The following EEA1 variants were observed in gnomAD, a reference collection of about 807,000 sequenced individuals.
EEA1 encodes the protein early endosome antigen 1, 162kD.
Under a neutral mutation model 209.2 loss-of-function variants are expected in EEA1, and 111 were observed. The ratio of observed to expected loss-of-function variants is 0.53; its 90% CI spans 0.45 to 0.62. The LOEUF (loss-of-function observed/expected upper bound fraction) is 0.62, where lower values mean the gene tolerates loss of function less well. Among genes scored for constraint, EEA1 ranks in the 20% least tolerant of loss-of-function variants. The pLI is 0.00. For missense variants in EEA1, 1,343 were observed against 1,530.8 expected (o/e 0.88, Z 2.05); for synonymous variants, 536 against 540.6 (o/e 0.99, Z 0.12).
chr12:92,888,622 G>A (rs993879067), intron 2 of EEA1, among the ~76,000 whole-genome samples: 2 of 150,154 alleles, frequency 1.3e-5, no homozygotes, highest in African/African-American at 4.9e-5. Flanking sequence ...GAAAACAATT[G>A]TAAGTGGAAG....
chr12:92,808,961 T>C (rs1333299307), intron 18 of EEA1, 56 bp downstream of exon 18: 23 of 1,467,796 alleles, frequency 1.6e-5, no homozygotes, highest in Non-Finnish European at 2.0e-5. Flanking sequence ...AAGGAAATTT[T>C]AATACTTAGT....
intron 3 of EEA1, among the ~76,000 whole-genome samples, chr12:92,859,966 C>T (rs1878063567): frequency 6.6e-6 from 1 of 152,154 alleles, no homozygotes; most frequent in Admixed American, 6.5e-5. Context: ...GGAGCTCTAG[C>T]CTGACATCAA....
At chr12:92,793,395 C>A (rs1309347489) in intron 21 of EEA1, among the ~76,000 whole-genome samples, 1 of 152,176 alleles carries the variant, frequency 6.6e-6, no homozygotes, top group East Asian at 1.9e-4. Flanking sequence ...TTGTCTCAGT[C>A]CAAAATCTCC....
chr12:92,833,953 T>C (rs1268690601), intron 10 of EEA1, among the ~76,000 whole-genome samples: 1 of 152,028 alleles, frequency 6.6e-6, no homozygotes, highest in Admixed American at 6.6e-5. Context: ...TACAATGAAG[T>C]TTGAGCCTGG....
At chr12:92,799,413 C>G (rs1302460310) in intron 20 of EEA1, among the ~76,000 whole-genome samples, 1 of 152,060 alleles carries the variant, frequency 6.6e-6, no homozygotes, top group African/African-American at 2.4e-5. Flanking sequence ...TGTAAATGAT[C>G]TACATTAGTA....
intron 21 of EEA1, among the ~76,000 whole-genome samples, chr12:92,793,259 T>C (rs1486581073): frequency 6.6e-6 from 1 of 152,118 alleles, no homozygotes; most frequent in Non-Finnish European, 1.5e-5. Context: ...CTATTCAACA[T>C]AGTGTTGGAA....
chr12:92,927,982 G>A (rs1881269673), intron 1 of EEA1, among the ~76,000 whole-genome samples: 2 of 152,188 alleles, frequency 1.3e-5, no homozygotes. Context: ...TCTACTGGAT[G>A]ACTCAACTCT....
intron 1 of EEA1, among the ~76,000 whole-genome samples, chr12:92,909,655 C>T (rs1431803508): frequency 1.3e-5 from 2 of 152,214 alleles, no homozygotes; most frequent in African/African-American, 2.4e-5. Context: ...ATGGGAGTTC[C>T]ACCCTCATGA....
At chr12:92,858,670 C>T in intron 3 of EEA1, 1 of 737,288 alleles carries the variant, frequency 1.4e-6, no homozygotes, top group Non-Finnish European at 2.6e-6. Context: ...AGGTGCTATG[C>T]TTCCCATCAG....
At position 92,929,125 on chromosome 12, in the gene EEA1, C is replaced by A; in HGVS notation, c.-59G>T. The A allele has an allele frequency of 1.3e-6, 2 of 1,539,026 alleles. No individual in the cohort carries two copies. The highest frequency in any genetic ancestry group is 1.8e-6 in the Non-Finnish European group (2 of 1,138,282). On this transcript the variant is annotated 5_prime_UTR_variant, in exon 1 of 29. Coordinates refer to ENST00000322349, the MANE Select transcript of EEA1 (RefSeq NM_003566.4). ...TCTCCAGACCCTGCGCGGGGCCACT[C>A]ACTACTCGGGGTGCGCGGGCGGGAG...
intron 21 of EEA1, among the ~76,000 whole-genome samples, chr12:92,791,460 C>A (rs983731333): frequency 1.3e-5 from 2 of 151,828 alleles, no homozygotes; most frequent in African/African-American, 4.8e-5. Flanking sequence ...CAAAAAAACA[C>A]CAGGGGTTGC....
At chr12:92,914,301 A>G (rs967830585) in intron 1 of EEA1, among the ~76,000 whole-genome samples, 2 of 152,084 alleles carry the variant, frequency 1.3e-5, no homozygotes, top group Admixed American at 1.3e-4. Flanking sequence ...TAGTATAAGT[A>G]TGTGGCTTTA....
At position 92,774,979 on chromosome 12, in the gene EEA1, C is replaced by A. The variant is rs927235151; in HGVS notation, c.*1032G>T. The A allele has an allele frequency of 6.6e-6, 1 of 151,504 alleles. No individual in the cohort carries two copies. Among genetic ancestry groups the A allele is most frequent in the Admixed American group, 6.6e-5 (1 of 15,202 alleles). The allele number at this position is 151,504 out of a possible 1,614,324, so 9.4% of individuals were successfully genotyped here. A position where few individuals can be genotyped will look rare whatever the true frequency, so the allele number is the denominator to read the frequency against. On this transcript the variant is annotated 3_prime_UTR_variant, in exon 29 of 29. Coordinates refer to ENST00000322349, the MANE Select transcript of EEA1 (RefSeq NM_003566.4). ...AATATTAGTTACTAGCTTTAAGATG[C>A]AAAATTATAAAACAAATACATGAAG...
intron 2 of EEA1, among the ~76,000 whole-genome samples, chr12:92,877,143 T>C (rs1455958626): frequency 6.7e-6 from 1 of 150,096 alleles, no homozygotes; most frequent in African/African-American, 2.4e-5. Context: ...TCTTTTTTTT[T>C]TTTTTTTGTA....
At chr12:92,844,177 G>A (rs1228815498) in intron 9 of EEA1, among the ~76,000 whole-genome samples, 1 of 151,904 alleles carries the variant, frequency 6.6e-6, no homozygotes, top group Non-Finnish European at 1.5e-5. Flanking sequence ...GTAAGCGATT[G>A]GACTGAATGA....
chr12:92,854,172 A>G (rs183465617), intron 5 of EEA1, among the ~76,000 whole-genome samples: 1 of 152,316 alleles, frequency 6.6e-6, no homozygotes, highest in East Asian at 1.9e-4. Context: ...TAGTTCTAAC[A>G]TAGATTTTTT....
Position 92,778,115 on chromosome 12 carries a change from G to C in EEA1, c.3719C>G (p.Thr1240Ser). The change falls in exon 26 of 29, where the codon ACC becomes AGC. Residue 1240 changes from threonine (T) to serine (S), a missense_variant. Thr to Ser is a moderately conservative substitution (Grantham distance 58). This residue lies in a region of EEA1 where 1,307 missense variants were observed against 1,465.5 expected (regional missense o/e 0.89). Coordinates refer to ENST00000322349, the MANE Select transcript of EEA1 (RefSeq NM_003566.4). ...KKHEENEAKL[T>S]MQITALNENL... ...TTCATTTAATGCTGTAATCTGCATG[G>C]TAAGTTTAGCCTCATTTTCTTCATG... is the stretch of plus-strand genomic sequence containing the variant. 1 of 1,613,312 alleles carries C rather than the reference G, an allele frequency of 6.2e-7. No homozygotes were observed. The highest frequency in any genetic ancestry group is 8.5e-7 in the Non-Finnish European group (1 of 1,179,504).
At chr12:92,781,110 A>G (rs1185886241) in intron 23 of EEA1, among the ~76,000 whole-genome samples, 1 of 151,908 alleles carries the variant, frequency 6.6e-6, no homozygotes, top group Non-Finnish European at 1.5e-5. Context: ...AGGTCTCACT[A>G]TGTTGCCCAG....
intron 2 of EEA1, among the ~76,000 whole-genome samples, chr12:92,889,167 A>C (rs1879555948): frequency 6.6e-6 from 1 of 151,946 alleles, no homozygotes; most frequent in African/African-American, 2.4e-5. Context: ...AAAAAAAAAA[A>C]AAACACTAAA....
Sources: gnomAD v4.1 joint callset for allele counts (sites outside exome capture counted in the v4.1 genomes callset) on GRCh38, gnomAD v4.1.1 for gene constraint, gnomAD v4.1.1 regional missense constraint, MANE v1.5 for transcripts, NCBI Gene and HGNC (gene_info 2026-07-23, HGNC 2026-07-21) for gene names.